DMD: variants seen among roughly 807,000 people sequenced by gnomAD.
DMD encodes the protein mutant dystrophin.
A neutral mutation model predicts 330.1 loss-of-function variants in DMD; 63 were observed. The ratio of observed to expected loss-of-function variants is 0.19; its 90% CI spans 0.16 to 0.24. The LOEUF (loss-of-function observed/expected upper bound fraction) is 0.24, where lower values mean the gene tolerates loss of function less well. Ranked by LOEUF, DMD falls within the 10% of genes least tolerant of loss-of-function variation. DMD has a pLI of 1.00. For missense variants in DMD, 3,344 were observed against 2,684.1 expected (o/e 1.25, Z -5.43); for synonymous variants, 1,223 against 959.8 (o/e 1.27, Z -5.07).
At chrX:33,009,086 ATATATACGTATATATGTATATATATG>A (rs1228233951) in intron 2 of DMD, among the ~76,000 whole-genome samples, 13 of 21,458 alleles carry the variant, frequency 6.1e-4, no homozygotes, top group Non-Finnish European at 1.8e-3. Flanking sequence ...ATATATGTGT[ATATATACGTATATATGTATATATATG>A]TGTATATATA....
At chrX:31,742,751 AAGCC>A (rs2087464730) in intron 51 of DMD, among the ~76,000 whole-genome samples, 1 of 111,868 alleles carries the variant, frequency 8.9e-6, no homozygotes, top group African/African-American at 3.3e-5. Context: ...TCCTATAAGA[AAGCC>A]TAGGAAACAC....
intron 44 of DMD, among the ~76,000 whole-genome samples, chrX:32,151,732 T>A (rs80052325): frequency 1.4e-5 from 1 of 69,225 alleles, no homozygotes; most frequent in Non-Finnish European, 3.5e-5. Flanking sequence ...TTTATTGTTT[T>A]TTGTTTTTTA....
chrX:32,735,022 T>A (rs147073105), intron 7 of DMD, among the ~76,000 whole-genome samples: 2,265 of 111,071 alleles, frequency 0.02, 30 homozygotes, highest in Non-Finnish European at 0.031. Context: ...AACCCCACTG[T>A]CTCAGCCTAA....
chrX:31,409,824 TA>T (rs2061557936), intron 60 of DMD, among the ~76,000 whole-genome samples: 1 of 101,875 alleles, frequency 9.8e-6, no homozygotes, highest in African/African-American at 4.1e-5. Context: ...TTTATTCATT[TA>T]TTTTTTTGAG....
intron 2 of DMD, among the ~76,000 whole-genome samples, chrX:32,942,565 AAG>A (rs2146831547): frequency 9.0e-6 from 1 of 111,638 alleles, no homozygotes; most frequent in South Asian, 3.7e-4. Context: ...AAGAAAAAAA[AAG>A]AGAATCCATT....
At chrX:33,060,117 G>A (rs187995990) in intron 1 of DMD, among the ~76,000 whole-genome samples, 194 of 111,571 alleles carry the variant, frequency 1.7e-3, no homozygotes, top group African/African-American at 6.1e-3. Context: ...TATAGGGACC[G>A]TGAAAATAGG....
At chrX:31,508,250 C>T in intron 55 of DMD, 1 of 1,207,001 alleles carries the variant, frequency 8.3e-7, no homozygotes, top group Non-Finnish European at 1.1e-6. Flanking sequence ...TCAGCTTGAA[C>T]CGGGCACTAC....
At chrX:32,840,644 A>AC (rs1288271334) in intron 4 of DMD, among the ~76,000 whole-genome samples, 1 of 112,141 alleles carries the variant, frequency 8.9e-6, no homozygotes, top group Admixed American at 9.5e-5. Flanking sequence ...ACCCATGGAA[A>AC]CATTTTGCCC....
chrX:31,240,491 A>C (rs1251973275), intron 63 of DMD, among the ~76,000 whole-genome samples: 1 of 111,372 alleles, frequency 9.0e-6, no homozygotes, highest in South Asian at 3.8e-4. Flanking sequence ...TTGAGTATTA[A>C]ATCTATCTAT....
At chrX:31,822,700 G>GTGTGTGTGTGTGTGTGTGTGTGTA (rs2092798887) in intron 49 of DMD, among the ~76,000 whole-genome samples, 1 of 106,736 alleles carries the variant, frequency 9.4e-6, no homozygotes, top group East Asian at 3.0e-4. Context: ...GTGTGTGTGT[G>GTGTGTGTGTGTGTGTGTGTGTGTA]TATTTTTCTT....
intron 11 of DMD, among the ~76,000 whole-genome samples, 200 bp downstream of exon 11, chrX:32,643,932 A>G (rs1162305642): frequency 8.9e-6 from 1 of 111,994 alleles, no homozygotes; most frequent in Non-Finnish European, 1.9e-5. Flanking sequence ...CAGTGCATCT[A>G]TCTAACATCT....
In DMD at chrX:31,812,439, G is replaced by T. The variant is rs1406935221; in HGVS notation, c.7309+7536C>A. Among the ~76,000 whole-genome samples, 23 of 67,590 alleles carry T rather than the reference G, an allele frequency of 3.4e-4. No individual in the cohort carries two copies. In the Admixed American group the frequency reaches 4.4e-3, roughly 13 times the overall value. 58.7% of individuals were successfully genotyped at this position (67,590 alleles called of 115,157 possible). On this transcript the variant is annotated intron_variant, in intron 50 of 78. Transcript: ENST00000357033. ...CTGTGGGGTGGGGGGAGGGGGGAGG[G>T]ATAGCATTAGGAGATATACCTAATG...
intron 53 of DMD, among the ~76,000 whole-genome samples, chrX:31,674,852 G>A (rs930540285): frequency 8.9e-6 from 1 of 112,565 alleles, no homozygotes; most frequent in African/African-American, 3.2e-5. Context: ...TAAATCCTAT[G>A]ATGATCACTG....
chrX:33,315,409 A>C (rs2053918993), intron 1 of DMD, among the ~76,000 whole-genome samples: 2 of 111,951 alleles, frequency 1.8e-5, no homozygotes, highest in Admixed American at 1.9e-4. Context: ...GAGAGGCTGG[A>C]GATGACTAAA....
At chrX:32,192,100 A>G (rs61607099) in intron 44 of DMD, among the ~76,000 whole-genome samples, 23,024 of 111,210 alleles carry the variant, frequency 0.21, 1,819 homozygotes, top group African/African-American at 0.28. Context: ...TTCACCTTAA[A>G]TATCAGGAAG....
At chrX:32,687,211 T>A (rs759172985) in intron 9 of DMD, among the ~76,000 whole-genome samples, 42 of 112,211 alleles carry the variant, frequency 3.7e-4, no homozygotes, top group African/African-American at 1.3e-3. Flanking sequence ...CTAAAACAAG[T>A]ACAGTCATCA....
intron 51 of DMD, among the ~76,000 whole-genome samples, chrX:31,753,706 G>T (rs763320125): frequency 3.6e-5 from 4 of 111,671 alleles, no homozygotes; most frequent in East Asian, 2.8e-4. Context: ...TTAAAATGAT[G>T]ATGTTGCCCA....
At chrX:32,364,141 A>G (rs927278470) in intron 36 of DMD, among the ~76,000 whole-genome samples, 1 of 112,036 alleles carries the variant, frequency 8.9e-6, no homozygotes, top group South Asian at 3.7e-4. Flanking sequence ...TAAGCCCAAC[A>G]TTAAGACTAA....
chrX:31,785,085 G>A (rs951493416), intron 50 of DMD, among the ~76,000 whole-genome samples: 3 of 111,935 alleles, frequency 2.7e-5, no homozygotes, highest in African/African-American at 9.7e-5. Flanking sequence ...GGACACAACG[G>A]AATATTATTA....
Sources: allele counts gnomAD v4.1 joint callset (sites outside exome capture counted in the v4.1 genomes callset), GRCh38; gene constraint gnomAD v4.1.1; transcripts MANE v1.5; gene names NCBI Gene and HGNC (gene_info 2026-07-23, HGNC 2026-07-21).